Variants in MYO10 observed in about 807,000 individuals in gnomAD.
The protein encoded by MYO10 is myosin X, also known as unconventional myosin-X.
Under a neutral mutation model 257.3 loss-of-function variants are expected in MYO10, and 133 were observed. The ratio of observed to expected loss-of-function variants is 0.52; its 90% CI spans 0.45 to 0.60. The LOEUF is 0.60. MYO10 is among the 20% of genes least tolerant of loss of function. MYO10 has a pLI of 0.00. For missense variants in MYO10, 2,399 were observed against 2,635.7 expected (o/e 0.91, Z 1.97); for synonymous variants, 1,104 against 1,028.6 (o/e 1.07, Z -1.40).
intron 19 of MYO10, among the ~76,000 whole-genome samples, chr5:16,725,033 A>G (rs1024490434): frequency 2.0e-5 from 3 of 149,736 alleles, no homozygotes; most frequent in African/African-American, 7.4e-5. Context: ...AGAATCTTAG[A>G]GACAGTTAAC....
Position 16,670,794 on chromosome 5 carries a change from G to A in MYO10, c.5615C>T (p.Thr1872Ile). ...CCTCTTCTCCAGCCGTTCACAAGGG[G>A]TGAAGGTTTTGGTTGACTGGCTGAT... ...ARISQSTKTF[T>I]PCERLEKRRT... The change falls in exon 39 of 41, where the codon ACC (threonine) becomes ATC (isoleucine). Residue 1872 changes from threonine (T) to isoleucine (I), a missense_variant. Around this residue, in one of 3 missense-constraint regions of MYO10, gnomAD observed 1,820 missense variants for 1,939.4 expected, o/e 0.94. Coordinates refer to ENST00000513610, the MANE Select transcript of MYO10 (RefSeq NM_012334.3). The A allele has an allele frequency of 6.2e-7, 1 of 1,614,034 alleles. No homozygotes were observed. The highest frequency in any genetic ancestry group is 8.5e-7 in the Non-Finnish European group (1 of 1,179,908).
rs188602478 is a variant in MYO10, at chr5:16,822,844, C to T, written c.121-4677G>A. 2.5e-3 allele frequency among the ~76,000 whole-genome samples: 380 copies of T among 152,084 alleles called. 1 individual carries two copies. Among genetic ancestry groups the T allele is most frequent in the Admixed American group, 5.3e-3 (81 of 15,278 alleles). Reference sequence around the variant, plus strand: ...CTGGGACTACAGGCGCCCGCAACCACGCCCGGCTAATTTTTTGTATTTTTA... The same window carrying T: ...CTGGGACTACAGGCGCCCGCAACCATGCCCGGCTAATTTTTTGTATTTTTA... On this transcript the variant is annotated intron_variant, in intron 2 of 40. Coordinates refer to ENST00000513610, the MANE Select transcript of MYO10 (RefSeq NM_012334.3).
chr5:16,692,509 AT>A (rs1737554872), intron 27 of MYO10, among the ~76,000 whole-genome samples: 2 of 152,202 alleles, frequency 1.3e-5, no homozygotes, highest in African/African-American at 2.4e-5. Flanking sequence ...AGCTAACATT[AT>A]TTTTTTAATG....
intron 19 of MYO10, among the ~76,000 whole-genome samples, chr5:16,740,517 T>C (rs993535706): frequency 6.6e-6 from 1 of 151,936 alleles, no homozygotes; most frequent in Non-Finnish European, 1.5e-5. Context: ...AATGCAGTGG[T>C]GGAAGCTGCA....
intron 1 of MYO10, among the ~76,000 whole-genome samples, chr5:16,882,109 GT>G (rs1205637689): frequency 6.6e-6 from 1 of 152,182 alleles, no homozygotes; most frequent in Admixed American, 6.5e-5. Context: ...CACCAGAAAT[GT>G]TTCTGCAATA....
chr5:16,875,107 C>T (rs1463554909), intron 2 of MYO10, among the ~76,000 whole-genome samples: 1 of 152,180 alleles, frequency 6.6e-6, no homozygotes, highest in Non-Finnish European at 1.5e-5. Flanking sequence ...CCTCCCACAA[C>T]ACATGGGAAT....
chr5:16,718,176 AGC>A (rs1412189566), intron 19 of MYO10, among the ~76,000 whole-genome samples: 5 of 152,308 alleles, frequency 3.3e-5, no homozygotes, highest in African/African-American at 1.2e-4. Context: ...GCTGGGCCTT[AGC>A]TGCCTTCCCG....
intron 28 of MYO10, among the ~76,000 whole-genome samples, chr5:16,686,104 C>T (rs1053224715): frequency 6.6e-6 from 1 of 152,134 alleles, no homozygotes; most frequent in South Asian, 2.1e-4. Context: ...CCTTTACAGA[C>T]ATTTGACGAT....
At chr5:16,887,389 T>C (rs991838905) in intron 1 of MYO10, among the ~76,000 whole-genome samples, 1 of 152,254 alleles carries the variant, frequency 6.6e-6, no homozygotes, top group South Asian at 2.1e-4. Context: ...AAATGAACTA[T>C]GCTAAATGGC....
chr5:16,764,933 C>T (rs899938220), intron 11 of MYO10, among the ~76,000 whole-genome samples: 2 of 152,146 alleles, frequency 1.3e-5, no homozygotes, highest in African/African-American at 4.8e-5. Context: ...AGGTGATCTG[C>T]CCGCCTCAGC....
rs1419966495 is a variant in MYO10, at chr5:16,794,656, T to C, written c.457A>G (p.Ile153Val). Residue 153 changes from isoleucine to valine, a missense_variant, in exon 4 of 41, where the codon ATC becomes GTC. By Grantham distance (29) the Ile-to-Val change is conservative. This residue lies in a region of MYO10 where 242 missense variants were observed against 249.5 expected (regional missense o/e 0.97). Coordinates refer to ENST00000513610, the MANE Select transcript of MYO10 (RefSeq NM_012334.3). The stretch of plus-strand genomic sequence containing the variant: ...TGTGAGCCCCGTTACCTGATGAGGA[T>C]GCACTGGTTGTCGTGGCGCTTCCAC... ...CLWKRHDNQC[I>V]LISGESGAGK... 6.2e-7 allele frequency: 1 copy of C among 1,610,252 alleles called. No individual in the cohort carries two copies. The highest frequency in any genetic ancestry group is 1.3e-5 in the African/African-American group (1 of 74,856).
chr5:16,843,049 A>G (rs907888162), intron 2 of MYO10, among the ~76,000 whole-genome samples: 1 of 151,756 alleles, frequency 6.6e-6, no homozygotes, highest in Non-Finnish European at 1.5e-5. Flanking sequence ...AAACCCTGCT[A>G]TGGTTTCTGG....
At chr5:16,774,845 G>T (rs1741169418) in intron 9 of MYO10, among the ~76,000 whole-genome samples, 1 of 152,144 alleles carries the variant, frequency 6.6e-6, no homozygotes, top group Non-Finnish European at 1.5e-5. Context: ...CAACATGAAA[G>T]TAAAAAGTTG....
At chr5:16,699,799 AAAAAAAAAG>A (rs1217974570) in intron 25 of MYO10, among the ~76,000 whole-genome samples, 4 of 147,504 alleles carry the variant, frequency 2.7e-5, no homozygotes, top group African/African-American at 1.1e-4. Flanking sequence ...AAAAAAAAAA[AAAAAAAAAG>A]GGAAAAGGAA....
intron 2 of MYO10, among the ~76,000 whole-genome samples, chr5:16,872,033 T>C (rs993152675): frequency 2.6e-5 from 4 of 152,090 alleles, no homozygotes; most frequent in Admixed American, 1.3e-4. Flanking sequence ...CCACAACCCA[T>C]AAATACTGTT....
rs369293698 is a variant in MYO10 at position 16,701,254 on chromosome 5, C to T, written c.3141G>A (p.Ala1047=). 7.6e-5 allele frequency: 122 copies of T among 1,613,484 alleles called. No individual in the cohort carries two copies. The East Asian group carries it at 1.1e-3, about 14-fold the overall frequency. The change falls in exon 25 of 41, where the codon GCG becomes GCA. Residue 1047 remains alanine (A), a synonymous_variant. Coordinates refer to ENST00000513610, the MANE Select transcript of MYO10 (RefSeq NM_012334.3). This position sits in a 1 kb window ranked among gnomAD's most constrained non-coding sequence, Gnocchi z 8.1. ...ATGGGGCGAGCAGCACCGTGCTGTCCGCACTGGGGCTGGTGGGCACCACCG... is the reference window on the plus strand; with the variant it reads ...ATGGGGCGAGCAGCACCGTGCTGTCTGCACTGGGGCTGGTGGGCACCACCG... The part of the protein sequence containing the change: ...NDTVVPTSPS[A]DSTVLLAPSV...
At chr5:16,751,117 G>A (rs1016491179) in intron 19 of MYO10, among the ~76,000 whole-genome samples, 4 of 152,086 alleles carry the variant, frequency 2.6e-5, no homozygotes, top group African/African-American at 4.8e-5. Flanking sequence ...CAAGTCCTTC[G>A]GTGGACTGCG....
intron 36 of MYO10, 86 bp from the exon 37 acceptor site, chr5:16,672,911 G>C: frequency 6.8e-7 from 1 of 1,468,642 alleles, no homozygotes; most frequent in Non-Finnish European, 9.1e-7. Flanking sequence ...TGATCCCAGA[G>C]GGAGCTGCTG....
intron 2 of MYO10, among the ~76,000 whole-genome samples, chr5:16,876,681 A>G (rs1006703264): frequency 1.5e-4 from 23 of 152,090 alleles, no homozygotes; most frequent in African/African-American, 5.1e-4. Context: ...CAGCCCCCCA[A>G]TTAGCTGGGA....
Sources: gnomAD v4.1 joint callset for allele counts (sites outside exome capture counted in the v4.1 genomes callset) on GRCh38, gnomAD v4.1.1 for gene constraint, gnomAD v4.1.1 regional missense constraint, Gnocchi (gnomAD v3.1) non-coding constraint, MANE v1.5 for transcripts, NCBI Gene and HGNC (gene_info 2026-07-23, HGNC 2026-07-21) for gene names.